The following PSME4 variants were observed in gnomAD, a reference collection of about 807,000 sequenced individuals.
The protein encoded by PSME4 is proteasome activator subunit 4, also known as proteasome activator complex subunit 4.
A neutral mutation model predicts 253.9 loss-of-function variants in PSME4; 89 were observed. That is an observed-to-expected ratio of 0.35 (90% CI 0.30 to 0.42). PSME4 has a LOEUF of 0.42. Ranked by LOEUF, PSME4 falls within the 10% of genes least tolerant of loss-of-function variation. The pLI is 1.00. For missense variants in PSME4, 2,014 were observed against 2,195.2 expected (o/e 0.92, Z 1.65); for synonymous variants, 851 against 759.2 (o/e 1.12, Z -1.99).
Position 53,866,748 on chromosome 2 carries a change from T to A in PSME4, c.5396A>T (p.Glu1799Val). 1 of 1,612,534 alleles carries A rather than the reference T, an allele frequency of 6.2e-7. No homozygotes were observed. Among genetic ancestry groups the A allele is most frequent in the Non-Finnish European group, 8.5e-7 (1 of 1,179,180 alleles). The change falls in exon 45 of 47, where the codon GAG becomes GTG. Residue 1799 changes from glutamate to valine, a missense_variant and splice_region_variant. Physicochemically the swap from Glu to Val is moderately radical, Grantham distance 121. Transcript: ENST00000404125. ...CAAACTAATAAGGAAGAACTGTACC[T>A]CAATAGGCTGAGGATCATTTAGATG... ...SAHLNDPQPIEMTVKKTLSNF... is the reference protein window; with the variant it reads ...SAHLNDPQPIVMTVKKTLSNF...
At chr2:53,896,756 T>C (rs1376558078) in intron 32 of PSME4, 48 bp downstream of exon 32, 1 of 1,440,706 alleles carries the variant, frequency 6.9e-7, no homozygotes, top group Non-Finnish European at 9.7e-7. Flanking sequence ...AAGAAAATTT[T>C]CTGAGTTTTA....
intron 32 of PSME4, among the ~76,000 whole-genome samples, chr2:53,896,164 T>C (rs1680127771): frequency 6.6e-6 from 1 of 152,206 alleles, no homozygotes; most frequent in Non-Finnish European, 1.5e-5. Context: ...ACTATGAGTA[T>C]AAACTGTAGA....
intron 1 of PSME4, among the ~76,000 whole-genome samples, chr2:53,963,404 C>T (rs941367659): frequency 6.6e-6 from 1 of 152,254 alleles, no homozygotes; most frequent in Non-Finnish European, 1.5e-5. Context: ...TGATACATCC[C>T]AAACGCCAAA....
intron 3 of PSME4, among the ~76,000 whole-genome samples, chr2:53,943,813 G>A (rs1034041643): frequency 2.3e-5 from 3 of 131,794 alleles, no homozygotes; most frequent in Non-Finnish European, 3.1e-5. Flanking sequence ...CTGCACTCCA[G>A]CCTGGGCAAC....
intron 15 of PSME4, 94 bp from the exon 16 acceptor site, chr2:53,923,212 C>A: frequency 1.4e-6 from 2 of 1,461,310 alleles, no homozygotes; most frequent in Non-Finnish European, 9.3e-7. Context: ...AAATAAGCAG[C>A]TACTGAAAGA....
chr2:53,912,378 T>A (rs1667864780), intron 20 of PSME4, among the ~76,000 whole-genome samples: 1 of 152,256 alleles, frequency 6.6e-6, no homozygotes, highest in Non-Finnish European at 1.5e-5. Context: ...TTATCCACCA[T>A]AATTTGATCT....
Position 53,921,111 on chromosome 2 carries a change from G to C in PSME4, c.2047-7C>G. On this transcript the variant is annotated splice_region_variant and splice_polypyrimidine_tract_variant and intron_variant, in intron 17 of 46. Coordinates refer to ENST00000404125, the MANE Select transcript of PSME4 (RefSeq NM_014614.3). ...TTCCATCCACTCGAGTAATCTAAAA[G>C]GAGGGAAAAAATAGTTGAAGATATT... is the stretch of plus-strand genomic sequence containing the variant. 6.2e-7 allele frequency: 1 copy of C among 1,611,004 alleles called. No homozygotes were observed. The highest frequency in any genetic ancestry group is 8.5e-7 in the Non-Finnish European group (1 of 1,179,276).
intron 26 of PSME4, among the ~76,000 whole-genome samples, chr2:53,904,874 G>A (rs1028644953): frequency 7.9e-5 from 12 of 151,646 alleles, no homozygotes; most frequent in African/African-American, 2.9e-4. Flanking sequence ...TGTAGTCCCA[G>A]CTACCGGGGA....
intron 8 of PSME4, among the ~76,000 whole-genome samples, chr2:53,934,034 TA>T (rs1376355615): frequency 6.6e-6 from 1 of 152,132 alleles, no homozygotes; most frequent in African/African-American, 2.4e-5. Context: ...CATGAAGAAA[TA>T]GCTGCAGAAG....
At chr2:53,944,110 C>T (rs1248886376) in intron 3 of PSME4, among the ~76,000 whole-genome samples, 1 of 152,028 alleles carries the variant, frequency 6.6e-6, no homozygotes, top group East Asian at 1.9e-4. Flanking sequence ...CACTGTAGCA[C>T]AGAAACAACT....
chr2:53,897,740 G>A, intron 31 of PSME4, 130 bp downstream of exon 31: 3 of 1,035,640 alleles, frequency 2.9e-6, no homozygotes, highest in Non-Finnish European at 4.2e-6. Context: ...GAATCAACAG[G>A]GGGAGATTTC....
intron 20 of PSME4, among the ~76,000 whole-genome samples, chr2:53,912,663 G>C (rs941310801): frequency 6.6e-6 from 1 of 152,100 alleles, no homozygotes; most frequent in Non-Finnish European, 1.5e-5. Context: ...ACAGGGTCTC[G>C]CTATGGTGCC....
intron 17 of PSME4, 76 bp from the exon 18 acceptor site, chr2:53,921,180 G>A (rs1034561350): frequency 1.3e-5 from 20 of 1,588,492 alleles, no homozygotes; most frequent in Non-Finnish European, 1.7e-5. Context: ...AAAGTTCAAT[G>A]TTTGGCCACT....
chr2:53,970,447 C>A, intron 1 of PSME4, 96 bp downstream of exon 1: 1 of 1,527,216 alleles, frequency 6.5e-7, no homozygotes. Context: ...GAGGACAGAG[C>A]TAAGGGTCCA....
At chr2:53,869,952 G>C (rs1379739950) in intron 43 of PSME4, 1 of 153,444 alleles carries the variant, frequency 6.5e-6, no homozygotes, top group East Asian at 1.9e-4. Flanking sequence ...CCTAATTTCT[G>C]TAATTGGCAT....
intron 1 of PSME4, among the ~76,000 whole-genome samples, chr2:53,951,928 T>C (rs1198016611): frequency 6.6e-6 from 1 of 152,204 alleles, no homozygotes; most frequent in Admixed American, 6.5e-5. Context: ...AAATATATTA[T>C]TATTTTGGGC....
Position 53,920,239 on chromosome 2 carries a change from G to C in PSME4, c.2374C>G (p.Leu792Val), listed in dbSNP as rs138980825. Reference protein sequence around the residue: ...YLLDSFLQPELVKLQHCGDGK... With the variant: ...YLLDSFLQPEVVKLQHCGDGK... Reference sequence around the variant, plus strand: ...TCCCCACAATGCTGGAGTTTGACGAGCTCAGGCTGAAGAAAGGAGTCCAAA... The same window carrying C: ...TCCCCACAATGCTGGAGTTTGACGACCTCAGGCTGAAGAAAGGAGTCCAAA... The change falls in exon 19 of 47, where the codon CTC (leucine) becomes GTC (valine). Residue 792 changes from leucine (L) to valine (V), a missense_variant. Leu to Val is a conservative substitution (Grantham distance 32, BLOSUM62 1). Coordinates refer to ENST00000404125, the MANE Select transcript of PSME4 (RefSeq NM_014614.3). 14 of 1,613,654 alleles carry C rather than the reference G, an allele frequency of 8.7e-6. No individual in the cohort carries two copies. In the African/African-American group the frequency reaches 1.3e-4, roughly 15 times the overall value.
intron 3 of PSME4, among the ~76,000 whole-genome samples, chr2:53,941,182 G>C (rs1247182155): frequency 6.9e-6 from 1 of 144,928 alleles, no homozygotes; most frequent in Middle Eastern, 3.4e-3. Flanking sequence ...ATAACCAAGA[G>C]AGGAAAACTA....
In PSME4 at chr2:53,936,819, A is replaced by C. The variant is rs373078542; in HGVS notation, c.704T>G (p.Phe235Cys). Reference protein sequence around the residue: ...ELHHKGFKLWFDELIGLWVSV... With the variant: ...ELHHKGFKLWCDELIGLWVSV... ...AACCCAAAGGCCAATTAATTCATCA[A>C]ACCAAAGTCTAAAGAAGAAAAATGT... The change falls in exon 6 of 47, where the codon TTT becomes TGT. Residue 235 changes from phenylalanine to cysteine, a missense_variant. Coordinates refer to ENST00000404125, the MANE Select transcript of PSME4 (RefSeq NM_014614.3). The C allele has an allele frequency of 1.0e-4, 164 of 1,594,784 alleles. No homozygotes were observed. The highest frequency in any genetic ancestry group is 1.3e-4 in the Non-Finnish European group (155 of 1,170,816).
Sources: allele counts gnomAD v4.1 joint callset (sites outside exome capture counted in the v4.1 genomes callset), GRCh38; gene constraint gnomAD v4.1.1; transcripts MANE v1.5; gene names NCBI Gene and HGNC (gene_info 2026-07-23, HGNC 2026-07-21).